The following TTC28 variants were observed in gnomAD, a reference collection of about 807,000 sequenced individuals.
The protein encoded by TTC28 is tetratricopeptide repeat protein 28.
Under a neutral mutation model 198.0 loss-of-function variants are expected in TTC28, and 61 were observed. That is an observed-to-expected ratio of 0.31 (90% CI 0.25 to 0.38). The LOEUF (loss-of-function observed/expected upper bound fraction) is 0.38. Ranked by LOEUF, TTC28 falls within the 10% of genes least tolerant of loss-of-function variation. TTC28 has a pLI of 1.00. For missense variants in TTC28, 2,678 were observed against 3,164.0 expected, an observed-to-expected ratio of 0.85 and a Z score of 3.69; for synonymous variants, 1,171 against 1,297.8, an observed-to-expected ratio of 0.90 and a Z score of 2.10.
At position 27,980,725 on chromosome 22, in the gene TTC28, A is replaced by G. The variant is rs1036268117; in HGVS notation, c.*1496T>C. 6.6e-6 allele frequency: 1 copy of G among 152,198 alleles called. No individual in the cohort carries two copies. Among genetic ancestry groups the G allele is most frequent in the African/African-American group, 2.4e-5 (1 of 41,436 alleles). 9.4% of individuals were successfully genotyped at this position (152,198 alleles called of 1,614,324 possible). ...TTTTAGAATTACCTAAAAGATACTT[A>G]CTTATCTAAATTCTCCAACTAAACT... On this transcript the variant is annotated 3_prime_UTR_variant, in exon 23 of 23. Coordinates refer to ENST00000397906, the MANE Select transcript of TTC28 (RefSeq NM_001145418.2).
intron 5 of TTC28, among the ~76,000 whole-genome samples, chr22:28,280,407 ACCTCCGCCTCCG>A (rs955089620): frequency 1.3e-5 from 2 of 151,808 alleles, no homozygotes; most frequent in African/African-American, 2.4e-5. Context: ...GCTCACTGTA[ACCTCCGCCTCCG>A]CCTCCGCCTC....
At position 28,241,919 on chromosome 22, in the gene TTC28, G is replaced by A. The variant is rs145055157; in HGVS notation, c.933+54279C>T. ...CACTAAAAAATATCAGGCTTTTTTT[G>A]TAAATAAAAATGCTAAGTAAGGATA... On this transcript the variant is annotated intron_variant, in intron 5 of 22. Transcript: ENST00000397906. 1.6e-3 allele frequency among the ~76,000 whole-genome samples: 248 copies of A among 152,024 alleles called. 1 individual carries two copies. Among genetic ancestry groups the A allele is most frequent in the African/African-American group, 5.9e-3 (245 of 41,504 alleles).
At chr22:28,241,074 A>G (rs1322773030) in intron 5 of TTC28, among the ~76,000 whole-genome samples, 1 of 152,154 alleles carries the variant, frequency 6.6e-6, no homozygotes, top group Non-Finnish European at 1.5e-5. Flanking sequence ...TACAAAAGGA[A>G]AAAATAGTAA....
intron 6 of TTC28, among the ~76,000 whole-genome samples, chr22:28,159,466 C>A (rs922098785): frequency 2.0e-5 from 3 of 152,070 alleles, no homozygotes; most frequent in Admixed American, 1.3e-4. Flanking sequence ...CCAGCCTGGG[C>A]AATATGCTGA....
chr22:28,165,172 A>G (rs1921775868), intron 5 of TTC28, among the ~76,000 whole-genome samples: 1 of 152,342 alleles, frequency 6.6e-6, no homozygotes, highest in Non-Finnish European at 1.5e-5. Flanking sequence ...GAAATATGGG[A>G]CTATGTGAAA....
intron 2 of TTC28, among the ~76,000 whole-genome samples, chr22:28,329,122 C>A (rs984620840): frequency 1.3e-5 from 2 of 152,054 alleles, no homozygotes; most frequent in Non-Finnish European, 2.9e-5. Context: ...CGACTTTCTT[C>A]TTGCTGTCCT....
At chr22:28,504,554 A>G (rs903522349) in intron 2 of TTC28, among the ~76,000 whole-genome samples, 2 of 152,158 alleles carry the variant, frequency 1.3e-5, no homozygotes, top group Non-Finnish European at 2.9e-5. Context: ...AGCTGTTTGA[A>G]GCCATGGCCA....
At chr22:28,634,674 C>G (rs1569074327) in intron 1 of TTC28, among the ~76,000 whole-genome samples, 1 of 151,384 alleles carries the variant, frequency 6.6e-6, no homozygotes, top group East Asian at 2.0e-4. Flanking sequence ...CAACCTTCGC[C>G]TCCAGGTTCT....
chr22:28,185,596 AT>A (rs1242971327), intron 5 of TTC28, among the ~76,000 whole-genome samples: 4 of 152,154 alleles, frequency 2.6e-5, no homozygotes, highest in Non-Finnish European at 5.9e-5. Context: ...AATTATAAGA[AT>A]TTTACAATAT....
chr22:28,387,689 T>C (rs1259713976), intron 2 of TTC28, among the ~76,000 whole-genome samples: 1 of 152,080 alleles, frequency 6.6e-6, no homozygotes, highest in African/African-American at 2.4e-5. Flanking sequence ...TTTGATGGGG[T>C]TGTTTGTGTT....
intron 5 of TTC28, among the ~76,000 whole-genome samples, chr22:28,219,891 C>T (rs1927719897): frequency 6.6e-6 from 1 of 152,226 alleles, no homozygotes; most frequent in Admixed American, 6.5e-5. Flanking sequence ...TATCACTATA[C>T]TTTAGACACC....
chr22:28,522,488 C>CA (rs1258320862), intron 2 of TTC28, among the ~76,000 whole-genome samples: 1,970 of 65,954 alleles, frequency 0.03, 30 homozygotes, highest in African/African-American at 0.071. Flanking sequence ...AACTCCGTCT[C>CA]AAAAAAAAAA....
At chr22:28,335,606 A>C (rs1436715993) in intron 2 of TTC28, among the ~76,000 whole-genome samples, 3 of 152,166 alleles carry the variant, frequency 2.0e-5, no homozygotes, top group African/African-American at 7.2e-5. Context: ...AGCAATTGTG[A>C]ATGGGAGTTC....
chr22:28,336,420 T>C (rs1409042220), intron 2 of TTC28, among the ~76,000 whole-genome samples: 2 of 152,160 alleles, frequency 1.3e-5, no homozygotes. Context: ...ATGGTACCAG[T>C]TCCTCCTTGT....
At chr22:28,618,191 C>T (rs1304880191) in intron 2 of TTC28, among the ~76,000 whole-genome samples, 1 of 151,810 alleles carries the variant, frequency 6.6e-6, no homozygotes, top group Non-Finnish European at 1.5e-5. Flanking sequence ...AGGAGAATTG[C>T]TTGAACCCAG....
intron 3 of TTC28, among the ~76,000 whole-genome samples, chr22:28,301,374 C>T (rs1322671785): frequency 6.6e-6 from 1 of 152,144 alleles, no homozygotes; most frequent in Non-Finnish European, 1.5e-5. Context: ...AAACCAACTC[C>T]ATAAGAACAT....
chr22:28,570,449 AG>A (rs984906457), intron 2 of TTC28, among the ~76,000 whole-genome samples: 4 of 152,244 alleles, frequency 2.6e-5, no homozygotes, highest in African/African-American at 9.6e-5. Flanking sequence ...AAGCAGGAAC[AG>A]AAAACCAAAT....
intron 9 of TTC28, among the ~76,000 whole-genome samples, chr22:28,100,505 A>G (rs1942110531): frequency 6.6e-6 from 1 of 152,250 alleles, no homozygotes; most frequent in Non-Finnish European, 1.5e-5. Flanking sequence ...ACAGTAAAAC[A>G]CCCTAACATT....
chr22:28,359,703 G>A (rs1239854659), intron 2 of TTC28, among the ~76,000 whole-genome samples: 6 of 152,136 alleles, frequency 3.9e-5, no homozygotes, highest in Non-Finnish European at 5.9e-5. Flanking sequence ...TGCCAAGCAG[G>A]TGCATGTTGG....
Sources: gnomAD v4.1 joint callset for allele counts (sites outside exome capture counted in the v4.1 genomes callset) on GRCh38, gnomAD v4.1.1 for gene constraint, MANE v1.5 for transcripts, NCBI Gene and HGNC (gene_info 2026-07-23, HGNC 2026-07-21) for gene names.